Variants in SSPN observed in about 807,000 individuals in gnomAD.
The protein encoded by SSPN is sarcospan.
In SSPN, 15 loss-of-function variants were observed where a neutral mutation model predicts 19.1. The observed-to-expected ratio is 0.78, with a 90% CI of 0.52 to 1.21. The LOEUF (loss-of-function observed/expected upper bound fraction) is 1.21, where lower values mean the gene tolerates loss of function less well. SSPN is among the 50% of genes most tolerant of loss of function. The probability of loss-of-function intolerance (pLI) is 0.00; values close to 1 mark genes in which losing one functional copy is unlikely to be tolerated. For missense variants in SSPN, 291 were observed against 314.0 expected, an observed-to-expected ratio of 0.93 and a Z score of 0.55; for synonymous variants, 147 against 140.3, an observed-to-expected ratio of 1.05 and a Z score of -0.34.
At chr12:26,183,931 T>A (rs1944736153) in intron 1 of SSPN, among the ~76,000 whole-genome samples, 1 of 152,122 alleles carries the variant, frequency 6.6e-6, no homozygotes. Flanking sequence ...AAAAGGAAAT[T>A]GTCAGTGAAT....
intron 2 of SSPN, among the ~76,000 whole-genome samples, chr12:26,227,224 G>GA (rs780669543): frequency 1.3e-5 from 2 of 152,082 alleles, no homozygotes; most frequent in African/African-American, 2.4e-5. Flanking sequence ...AGCCATGAAG[G>GA]AAAAATGCCA....
intron 1 of SSPN, chr12:26,124,656 T>A: frequency 3.1e-6 from 5 of 1,613,102 alleles, no homozygotes; most frequent in Non-Finnish European, 4.2e-6. Context: ...TACCACTTTC[T>A]GGAGAAGAAA....
At chr12:26,159,060 G>A (rs1944572505) in intron 1 of SSPN, among the ~76,000 whole-genome samples, 1 of 152,230 alleles carries the variant, frequency 6.6e-6, no homozygotes, top group African/African-American at 2.4e-5. Context: ...CCAGCTCTGG[G>A]GTCAGGAAAG....
rs562726358 is a variant in SSPN, at chr12:26,195,714, G to C, written c.42G>C (p.Gly14=). ...AGCCACGCGGCCAGCAGAGGCAGGG[G>C]GGCCCGCCGGCCGCGGACGCCGCTG... The part of the protein sequence containing the change: ...NKQPRGQQRQ[G]GPPAADAAGP... The change falls in exon 1 of 3, where the codon GGG becomes GGC. Residue 14 remains glycine (G), a synonymous_variant. Transcript: ENST00000242729. 553 of 1,434,524 alleles carry C rather than the reference G, an allele frequency of 3.9e-4. 3 individuals carry two copies. The South Asian group carries it at 7.6e-3, about 20-fold the overall frequency. The allele number at this position is 1,434,524 out of a possible 1,614,324, so 88.9% of individuals were successfully genotyped here.
chr12:26,122,925 C>G, intron 1 of SSPN: 1 of 1,550,948 alleles, frequency 6.4e-7, no homozygotes, highest in Non-Finnish European at 8.7e-7. Context: ...GGCCGCGGAC[C>G]CGGCGGCCGA....
chr12:26,187,385 C>T (rs1338360977), intron 1 of SSPN, among the ~76,000 whole-genome samples: 1 of 152,208 alleles, frequency 6.6e-6, no homozygotes, highest in African/African-American at 2.4e-5. Flanking sequence ...GAAATGTGAA[C>T]ATTTTCTTGC....
In SSPN at chr12:26,206,882, G is replaced by A. The variant is rs914621352; in HGVS notation, c.279+10931G>A. On this transcript the variant is annotated intron_variant, in intron 1 of 2. Transcript: ENST00000242729. The stretch of plus-strand genomic sequence containing the variant: ...TTTTGGTAAGTCATCACAAGAGTTA[G>A]TTAGGAGTAGAAGCCACACCCTAGC... Among the ~76,000 whole-genome samples the A allele has an allele frequency of 2.0e-5, 3 of 152,178 alleles. No homozygotes were observed. The East Asian group carries it at 5.8e-4, about 29-fold the overall frequency.
chr12:26,197,914 G>A (rs933924161), intron 1 of SSPN, among the ~76,000 whole-genome samples: 1 of 152,162 alleles, frequency 6.6e-6, no homozygotes, highest in South Asian at 2.1e-4. Flanking sequence ...AGTGAGGAGG[G>A]TCTCTGAGGA....
At chr12:26,124,910 G>A in intron 1 of SSPN, 1 of 937,008 alleles carries the variant, frequency 1.1e-6, no homozygotes, top group Non-Finnish European at 1.7e-6. Flanking sequence ...CCTCTTCAGT[G>A]CAGTGTTGAA....
chr12:26,141,533 C>A (rs1236511620), intron 1 of SSPN, among the ~76,000 whole-genome samples: 2 of 152,190 alleles, frequency 1.3e-5, no homozygotes, highest in African/African-American at 4.8e-5. Context: ...CAAGACCCTA[C>A]AACTTTCTCC....
At chr12:26,208,732 T>C (rs1156321009) in intron 1 of SSPN, among the ~76,000 whole-genome samples, 1 of 152,152 alleles carries the variant, frequency 6.6e-6, no homozygotes, top group Non-Finnish European at 1.5e-5. Flanking sequence ...TTATAAGTGG[T>C]TTCTTTTTGC....
intron 1 of SSPN, among the ~76,000 whole-genome samples, chr12:26,126,833 C>T (rs1944369313): frequency 6.6e-6 from 1 of 152,196 alleles, no homozygotes; most frequent in South Asian, 2.1e-4. Flanking sequence ...AATAGAGGAA[C>T]GTATTTTGCA....
At chr12:26,169,035 A>AAAC (rs1050004294) in intron 1 of SSPN, among the ~76,000 whole-genome samples, 3 of 151,318 alleles carry the variant, frequency 2.0e-5, no homozygotes, top group Non-Finnish European at 4.4e-5. Context: ...CATTTTGAAA[A>AAAC]AAAAAACACT....
chr12:26,121,997 C>T, exon 1 of SSPN: 1 of 1,543,224 alleles, frequency 6.5e-7, no homozygotes. Flanking sequence ...TCTCACTCTG[C>T]TTGAACCTCC....
In SSPN at chr12:26,122,230, C is replaced by T. The variant is rs569243703; in HGVS notation, c.-31+78C>T. 205 of 1,287,958 alleles carry T rather than the reference C, an allele frequency of 1.6e-4. 1 individual carries two copies. Among genetic ancestry groups the T allele is most frequent in the Non-Finnish European group, 1.2e-4 (122 of 1,019,108 alleles). 79.8% of individuals were successfully genotyped at this position (1,287,958 alleles called of 1,614,324 possible). A position where few individuals can be genotyped will look rare whatever the true frequency, so the allele number is the denominator to read the frequency against. ...TCGTGCGGCAGGAGGGTCGCGGCGG[C>T]GGCGCCCGCCTTCTCGGGAGGGGGC... On this transcript the variant is annotated intron_variant, in intron 1 of 2. Transcript: ENST00000538142.
In SSPN at chr12:26,232,214, A is replaced by G. The variant is rs1407870562; in HGVS notation, c.*1138A>G. On this transcript the variant is annotated 3_prime_UTR_variant, in exon 3 of 3. Transcript: ENST00000242729. Reference sequence around the variant, plus strand: ...GTATTTGATACATAATCCTATTATTAATTCGTATGCTTAGTCAACCTAGGA... The same window carrying G: ...GTATTTGATACATAATCCTATTATTGATTCGTATGCTTAGTCAACCTAGGA... 9 of 985,294 alleles carry G rather than the reference A, an allele frequency of 9.1e-6. No individual in the cohort carries two copies. Among genetic ancestry groups the G allele is most frequent in the Non-Finnish European group, 1.1e-5 (9 of 829,914 alleles). The allele number at this position is 985,294 out of a possible 1,614,324, so 61.0% of individuals were successfully genotyped here. A position where few individuals can be genotyped will look rare whatever the true frequency, so the allele number is the denominator to read the frequency against.
chr12:26,137,062 T>C (rs1591844768), intron 1 of SSPN, among the ~76,000 whole-genome samples: 1 of 152,246 alleles, frequency 6.6e-6, no homozygotes, highest in Non-Finnish European at 1.5e-5. Context: ...AAGACTTTTA[T>C]GGCAGTTACT....
intron 2 of SSPN, among the ~76,000 whole-genome samples, chr12:26,228,607 G>A (rs533810600): frequency 4.9e-4 from 74 of 151,922 alleles, no homozygotes; most frequent in African/African-American, 1.7e-3. Context: ...AGAGCAAACT[G>A]TTCCCAGTTC....
chr12:26,154,727 G>T (rs1256832382), intron 1 of SSPN, among the ~76,000 whole-genome samples: 1 of 152,168 alleles, frequency 6.6e-6, no homozygotes, highest in African/African-American at 2.4e-5. Context: ...CTGTACATTC[G>T]ATTATTGTTA....
Sources: gnomAD v4.1 joint callset for allele counts (sites outside exome capture counted in the v4.1 genomes callset) on GRCh38, gnomAD v4.1.1 for gene constraint, MANE v1.5 for transcripts, NCBI Gene and HGNC (gene_info 2026-07-23, HGNC 2026-07-21) for gene names.